GRIA4: variants seen among roughly 807,000 people sequenced by gnomAD.
The protein encoded by GRIA4 is glutamate ionotropic receptor AMPA type subunit 4, also known as glutamate receptor 4.
GRIA4 carries 34 observed loss-of-function variants against 104.0 expected under a neutral mutation model. The ratio of observed to expected loss-of-function variants is 0.33; its 90% CI spans 0.25 to 0.44. The LOEUF (loss-of-function observed/expected upper bound fraction) is 0.44, where lower values mean the gene tolerates loss of function less well. GRIA4 is among the 20% of genes least tolerant of loss of function. The probability of loss-of-function intolerance (pLI) is 1.00; values close to 1 mark genes in which losing one functional copy is unlikely to be tolerated. For missense variants in GRIA4, 750 were observed against 1,096.5 expected (o/e 0.68, Z 4.46); for synonymous variants, 386 against 381.9 (o/e 1.01, Z -0.13).
At chr11:105,744,441 A>C (rs888647118) in intron 3 of GRIA4, among the ~76,000 whole-genome samples, 2 of 152,176 alleles carry the variant, frequency 1.3e-5, no homozygotes, top group African/African-American at 4.8e-5. Context: ...ATATCGAAAA[A>C]TGCATAGATT....
chr11:105,757,213 C>T (rs376441706), intron 4 of GRIA4, among the ~76,000 whole-genome samples: 5 of 152,100 alleles, frequency 3.3e-5, no homozygotes, highest in African/African-American at 7.2e-5. Flanking sequence ...GGTAAGTGAA[C>T]GTGGATAAAG....
At chr11:105,892,696 GT>G (rs1279929405) in intron 6 of GRIA4, among the ~76,000 whole-genome samples, 2 of 152,122 alleles carry the variant, frequency 1.3e-5, no homozygotes, top group East Asian at 3.9e-4. Context: ...TGTGCTTCCC[GT>G]TTTTTAACTT....
intron 7 of GRIA4, among the ~76,000 whole-genome samples, chr11:105,902,799 T>C (rs589904): frequency 0.18 from 27,153 of 152,142 alleles, 2,567 homozygotes; most frequent in Admixed American, 0.24. Context: ...CTAAAGGAGA[T>C]AATGTAGTTT....
chr11:105,800,734 A>G (rs2135835546), intron 4 of GRIA4, among the ~76,000 whole-genome samples: 1 of 152,128 alleles, frequency 6.6e-6, no homozygotes, highest in East Asian at 1.9e-4. Context: ...GTTTTGCAGC[A>G]TGCAAGACTC....
At chr11:105,637,742 C>A (rs1041474472) in intron 3 of GRIA4, among the ~76,000 whole-genome samples, 1 of 152,050 alleles carries the variant, frequency 6.6e-6, no homozygotes, top group African/African-American at 2.4e-5. Flanking sequence ...GAAACCTAAG[C>A]AGATTTTTAA....
chr11:105,794,469 G>A (rs866913257), intron 4 of GRIA4, among the ~76,000 whole-genome samples: 16 of 40,764 alleles, frequency 3.9e-4, no homozygotes, highest in African/African-American at 1.3e-3. Context: ...GTGTGTATAT[G>A]TATGTATATA....
intron 10 of GRIA4, chr11:105,912,972 GGA>G (rs1947299265): frequency 1.0e-6 from 1 of 968,442 alleles, no homozygotes; most frequent in African/African-American, 1.8e-5. Flanking sequence ...AGTGAGCACT[GGA>G]TATAATTCAT....
Position 105,817,515 on chromosome 11 carries a change from C to T in GRIA4, c.488-44509C>T, listed in dbSNP as rs185928475. Among the ~76,000 whole-genome samples, 349 of 151,488 alleles carry T rather than the reference C, an allele frequency of 2.3e-3. 1 individual carries two copies. Among genetic ancestry groups the T allele is most frequent in the Non-Finnish European group, 3.9e-3 (264 of 67,886 alleles). On this transcript the variant is annotated intron_variant, in intron 4 of 16. Transcript: ENST00000282499. Reference sequence around the variant, plus strand: ...ATTTTTTTTTCTATTCATTCCTTTACAACTAGAGCAAGATGTGTCAGGTGT... The same window carrying T: ...ATTTTTTTTTCTATTCATTCCTTTATAACTAGAGCAAGATGTGTCAGGTGT...
In GRIA4 at chr11:105,962,186, GAAGTA is replaced by G. The variant is rs1481792458; in HGVS notation, c.2295-9725_2295-9721del. 2.0e-5 allele frequency among the ~76,000 whole-genome samples: 3 copies of G among 152,112 alleles called. No homozygotes were observed. The East Asian group carries it at 5.8e-4, about 29-fold the overall frequency. On this transcript the variant is annotated intron_variant, in intron 14 of 16. Coordinates refer to ENST00000282499, the MANE Select transcript of GRIA4 (RefSeq NM_000829.4). ...ATCATACTGTAAGAAATATGATCTAGAAGTAAATATGAGTGAGGCATAAAAGTAAG... is the reference window on the plus strand; with the variant it reads ...ATCATACTGTAAGAAATATGATCTAGAATATGAGTGAGGCATAAAAGTAAG...
chr11:105,691,419 A>C (rs1015604268), intron 3 of GRIA4, among the ~76,000 whole-genome samples: 3 of 152,226 alleles, frequency 2.0e-5, no homozygotes, highest in Non-Finnish European at 2.9e-5. Flanking sequence ...CACTTTAGCC[A>C]TAAGCAGCAA....
At chr11:105,635,700 A>G (rs1562219) in intron 3 of GRIA4, among the ~76,000 whole-genome samples, 150,400 of 152,232 alleles carry the variant, frequency 0.99, 74,324 homozygotes, top group Middle Eastern at 1. Context: ...CCAACCAAAC[A>G]GTCCCTTTCA....
intron 7 of GRIA4, among the ~76,000 whole-genome samples, chr11:105,901,803 C>T (rs1946867334): frequency 6.6e-6 from 1 of 152,184 alleles, no homozygotes; most frequent in Non-Finnish European, 1.5e-5. Context: ...GGTGCCATCT[C>T]TTCTCAGCTT....
At chr11:105,789,483 A>G (rs2135798788) in intron 4 of GRIA4, among the ~76,000 whole-genome samples, 1 of 152,290 alleles carries the variant, frequency 6.6e-6, no homozygotes, top group African/African-American at 2.4e-5. Context: ...ATATTCAAAT[A>G]AGTGTTCAAA....
chr11:105,881,051 A>T lies in GRIA4; in HGVS notation c.673-6468A>T, dbSNP rs149407157. On this transcript the variant is annotated intron_variant, in intron 5 of 16. Transcript: ENST00000282499. ...GTAAAGAACAGGCTGGAAGAGGAGTAGAGAAATTTAGTCAATGAAAGATGC... is the reference window on the plus strand; with the variant it reads ...GTAAAGAACAGGCTGGAAGAGGAGTTGAGAAATTTAGTCAATGAAAGATGC... 2.9e-3 allele frequency among the ~76,000 whole-genome samples: 436 copies of T among 152,330 alleles called. 3 individuals carry two copies. Among genetic ancestry groups the T allele is most frequent in the African/African-American group, 9.9e-3 (412 of 41,584 alleles).
intron 3 of GRIA4, among the ~76,000 whole-genome samples, chr11:105,617,507 A>G (rs1950631353): frequency 6.6e-6 from 1 of 151,946 alleles, no homozygotes; most frequent in Non-Finnish European, 1.5e-5. Context: ...TAACATCTAT[A>G]TTGAGCCTGC....
At chr11:105,796,853 G>A (rs1228834088) in intron 4 of GRIA4, among the ~76,000 whole-genome samples, 1 of 152,082 alleles carries the variant, frequency 6.6e-6, no homozygotes, top group Non-Finnish European at 1.5e-5. Context: ...AAACTTTAAT[G>A]TTGTATTTTG....
rs533507573 is a variant in GRIA4, at chr11:105,854,456, G to A, written c.488-7568G>A. Among the ~76,000 whole-genome samples, 56 of 152,228 alleles carry A rather than the reference G, an allele frequency of 3.7e-4. 1 individual carries two copies. The highest frequency in any genetic ancestry group is 3.1e-3 in the Admixed American group (47 of 15,264). ...TGAGAGCAAGAGAGCAGTGGATGAC[G>A]TCAGTATAAAGGAGCAATTGGAGAG... On this transcript the variant is annotated intron_variant, in intron 4 of 16. Coordinates refer to ENST00000282499, the MANE Select transcript of GRIA4 (RefSeq NM_000829.4).
At chr11:105,756,498 G>C (rs1385925342) in intron 4 of GRIA4, among the ~76,000 whole-genome samples, 1 of 151,868 alleles carries the variant, frequency 6.6e-6, no homozygotes, top group Non-Finnish European at 1.5e-5. Flanking sequence ...AGAAACAATA[G>C]CAAAATAGTT....
At chr11:105,763,692 A>T (rs1279143427) in intron 4 of GRIA4, among the ~76,000 whole-genome samples, 1 of 152,166 alleles carries the variant, frequency 6.6e-6, no homozygotes, top group Non-Finnish European at 1.5e-5. Context: ...AGCATCCTCT[A>T]CAAAAGAAAA....
Sources: allele counts gnomAD v4.1 joint callset (sites outside exome capture counted in the v4.1 genomes callset), GRCh38; gene constraint gnomAD v4.1.1; transcripts MANE v1.5; gene names NCBI Gene and HGNC (gene_info 2026-07-23, HGNC 2026-07-21).